The following SV2C variants were observed in gnomAD, a reference collection of about 807,000 sequenced individuals.
The protein encoded by SV2C is solute carrier family 22 member B3.
SV2C carries 49 observed loss-of-function variants against 79.7 expected under a neutral mutation model. The observed-to-expected ratio is 0.61, with a 90% confidence interval of 0.49 to 0.78. The LOEUF (loss-of-function observed/expected upper bound fraction) is 0.78. Among genes scored for constraint, SV2C ranks in the 30% least tolerant of loss-of-function variants. SV2C has a pLI of 0.00. For missense variants in SV2C, 833 were observed against 912.9 expected, an observed-to-expected ratio of 0.91 and a Z score of 1.13; for synonymous variants, 334 against 333.2, an observed-to-expected ratio of 1.00 and a Z score of -0.03.
chr5:75,919,729 A>C, the SV2C span, among the ~76,000 whole-genome samples: 7 of 152,230 alleles, frequency 4.6e-5, no homozygotes, highest in African/African-American at 1.7e-4. Context: ...GTTCTTTCTT[A>C]GTAGGTAAAC....
intron 1 of SV2C, among the ~76,000 whole-genome samples, chr5:76,101,713 T>A (rs143276565): frequency 6.8e-4 from 104 of 152,284 alleles, no homozygotes; most frequent in African/African-American, 2.3e-3. Flanking sequence ...GTTTTTTACA[T>A]CAACATTTAT....
At chr5:76,190,934 A>T (rs1010985509) in intron 2 of SV2C, among the ~76,000 whole-genome samples, 1 of 152,192 alleles carries the variant, frequency 6.6e-6, no homozygotes, top group Admixed American at 6.5e-5. Context: ...GAAGATCTGC[A>T]TATAAAAAGT....
At chr5:76,290,120 A>G (rs1747507451) in intron 6 of SV2C, among the ~76,000 whole-genome samples, 1 of 152,266 alleles carries the variant, frequency 6.6e-6, no homozygotes. Context: ...TAGAGTTTTA[A>G]AAAACATAAT....
At chr5:76,246,158 A>G (rs1468290216) in intron 4 of SV2C, among the ~76,000 whole-genome samples, 1 of 152,146 alleles carries the variant, frequency 6.6e-6, no homozygotes, top group East Asian at 1.9e-4. Flanking sequence ...CATGTGGGAA[A>G]AAAAAGACAA....
In SV2C at chr5:76,285,883, C is replaced by T. The variant is rs1747341297; in HGVS notation, c.1137+13C>T. ...GAAGGTCTTCACGGTGAGTCTTCTC[C>T]CCAGAGAATCCTCAACACCAGGGAT... On this transcript the variant is annotated intron_variant, in intron 6 of 12. Transcript: ENST00000502798. The T allele has an allele frequency of 6.2e-7, 1 of 1,605,158 alleles. No individual in the cohort carries two copies. Among genetic ancestry groups the T allele is most frequent in the Non-Finnish European group, 8.5e-7 (1 of 1,174,788 alleles).
intron 2 of SV2C, among the ~76,000 whole-genome samples, chr5:76,140,004 A>G (rs557490654): frequency 1.3e-5 from 2 of 152,140 alleles, no homozygotes; most frequent in Non-Finnish European, 2.9e-5. Context: ...ATTCTAGAAT[A>G]AATATAGATA....
chr5:76,258,077 G>A (rs1170894125), intron 4 of SV2C, among the ~76,000 whole-genome samples: 7 of 146,334 alleles, frequency 4.8e-5, no homozygotes, highest in Non-Finnish European at 6.0e-5. Flanking sequence ...TAGTATGGGG[G>A]GTGTGGTATG....
At chr5:75,872,929 G>GA in the SV2C span, among the ~76,000 whole-genome samples, 1 of 151,414 alleles carries the variant, frequency 6.6e-6, no homozygotes, top group Non-Finnish European at 1.5e-5. Flanking sequence ...ATTAAAAAAA[G>GA]AAAAAGAAAA....
At chr5:76,189,314 T>C (rs1238027668) in intron 2 of SV2C, among the ~76,000 whole-genome samples, 1 of 152,052 alleles carries the variant, frequency 6.6e-6, no homozygotes, top group Admixed American at 6.6e-5. Flanking sequence ...CCCAAAATTG[T>C]TGGCTGAGTG....
At chr5:76,037,797 G>A in the SV2C span, among the ~76,000 whole-genome samples, 92 of 152,340 alleles carry the variant, frequency 6.0e-4, no homozygotes, top group Admixed American at 3.4e-3. Flanking sequence ...TGGCTGCTTT[G>A]TTTACCTAAG....
At chr5:75,896,077 T>C in the SV2C span, among the ~76,000 whole-genome samples, 3 of 152,022 alleles carry the variant, frequency 2.0e-5, no homozygotes, top group Non-Finnish European at 4.4e-5. Context: ...TTTATTATTA[T>C]TATACTTTAA....
the SV2C span, among the ~76,000 whole-genome samples, chr5:75,981,611 T>G: frequency 3.3e-5 from 5 of 151,974 alleles, no homozygotes; most frequent in Non-Finnish European, 7.4e-5. Context: ...AAACAAGCAA[T>G]GGGGAAAGGA....
At chr5:75,950,144 A>G in the SV2C span, among the ~76,000 whole-genome samples, 4 of 152,088 alleles carry the variant, frequency 2.6e-5, no homozygotes, top group South Asian at 2.1e-4. Context: ...ACGCATTGCA[A>G]AAATCCAAGA....
chr5:76,017,631 T>C, the SV2C span, among the ~76,000 whole-genome samples: 1 of 152,196 alleles, frequency 6.6e-6, no homozygotes, highest in Non-Finnish European at 1.5e-5. Flanking sequence ...ATCTCCATAG[T>C]GTAGGTTAGC....
At chr5:75,892,554 A>T in the SV2C span, among the ~76,000 whole-genome samples, 2 of 152,040 alleles carry the variant, frequency 1.3e-5, no homozygotes, top group Non-Finnish European at 2.9e-5. Flanking sequence ...CATAGTACCC[A>T]GTAGGTAGGA....
intron 1 of SV2C, among the ~76,000 whole-genome samples, chr5:76,124,031 A>G (rs1264580894): frequency 6.6e-6 from 1 of 152,196 alleles, no homozygotes; most frequent in Non-Finnish European, 1.5e-5. Flanking sequence ...CAGAAATACA[A>G]ATGTTTTTTA....
chr5:76,143,673 G>T (rs986966346), intron 2 of SV2C, among the ~76,000 whole-genome samples: 1 of 152,252 alleles, frequency 6.6e-6, no homozygotes, highest in Non-Finnish European at 1.5e-5. Context: ...CTGGAGTTCA[G>T]TGTGGGGGAA....
At chr5:76,205,976 T>G (rs1016484916) in intron 3 of SV2C, among the ~76,000 whole-genome samples, 5 of 152,190 alleles carry the variant, frequency 3.3e-5, no homozygotes, top group African/African-American at 1.2e-4. Context: ...TCAGCTCTAT[T>G]TAAGACCTAC....
chr5:76,298,428 AT>A (rs1258023702), intron 9 of SV2C, among the ~76,000 whole-genome samples: 3 of 152,234 alleles, frequency 2.0e-5, no homozygotes, highest in African/African-American at 7.2e-5. Context: ...GAATATTCAA[AT>A]AAAGATATAC....
Sources: gnomAD v4.1 joint callset for allele counts (sites outside exome capture counted in the v4.1 genomes callset) on GRCh38, gnomAD v4.1.1 for gene constraint, MANE v1.5 for transcripts, NCBI Gene and HGNC (gene_info 2026-07-23, HGNC 2026-07-21) for gene names.